PREX1: variants seen among roughly 807,000 people sequenced by gnomAD.
PREX1 encodes phosphatidylinositol 3,4,5-trisphosphate-dependent Rac exchanger 1 protein.
A neutral mutation model predicts 198.3 loss-of-function variants in PREX1; 41 were observed. That is an observed-to-expected ratio of 0.21 (90% CI 0.16 to 0.27). The LOEUF is 0.27. PREX1 is among the 10% of genes least tolerant of loss of function. PREX1 has a pLI of 1.00. For synonymous variants in PREX1, 843 were observed against 887.2 expected (o/e 0.95, Z 0.89); for missense variants, 1,620 against 2,200.7 (o/e 0.74, Z 5.28).
the PREX1 span, among the ~76,000 whole-genome samples, chr20:48,846,620 G>A: frequency 6.6e-6 from 1 of 152,150 alleles, no homozygotes; most frequent in Non-Finnish European, 1.5e-5. Flanking sequence ...GGTCAAAGGA[G>A]AGCACTTTGT....
At chr20:48,655,912 C>T (rs369165457) in intron 18 of PREX1, among the ~76,000 whole-genome samples, 11 of 152,206 alleles carry the variant, frequency 7.2e-5, no homozygotes, top group African/African-American at 2.2e-4. Context: ...ACCCTGCCCA[C>T]ATCCCCGTCT....
Position 48,630,746 on chromosome 20 carries a change from C to T in PREX1, c.4575G>A (p.Thr1525=), listed in dbSNP as rs996634717. ...GACATACCTGGTCTATCTTTACCGCCGTGGTGCTGGCATCCGTGGGCAGGT... is the reference window on the plus strand; with the variant it reads ...GACATACCTGGTCTATCTTTACCGCTGTGGTGCTGGCATCCGTGGGCAGGT... The part of the protein sequence containing the change: ...RSNLPTDAST[T]AVKIDQLIRP... Residue 1525 remains threonine, a synonymous_variant, in exon 36 of 40, where the codon ACG becomes ACA. Transcript: ENST00000371941. The T allele has an allele frequency of 5.0e-6, 8 of 1,599,144 alleles. No homozygotes were observed. Among genetic ancestry groups the T allele is most frequent in the African/African-American group, 2.7e-5 (2 of 74,596 alleles).
rs752933817 is a variant in PREX1 at position 48,679,423 on chromosome 20, G to C, written c.1540-14C>G. On this transcript the variant is annotated splice_polypyrimidine_tract_variant and intron_variant, in intron 12 of 39. Transcript: ENST00000371941. ...AAGCCTCACACCCTGAAAGAAAAAA[G>C]GGGAGGAATTCTGGGATCAGGCCAC... The C allele has an allele frequency of 1.2e-6, 2 of 1,612,144 alleles. No homozygotes were observed. The highest frequency in any genetic ancestry group is 8.5e-7 in the Non-Finnish European group (1 of 1,178,594).
chr20:48,804,242 A>C (rs2090400208), intron 1 of PREX1, among the ~76,000 whole-genome samples: 2 of 152,260 alleles, frequency 1.3e-5, no homozygotes, highest in African/African-American at 4.8e-5. Context: ...CAGGGAATAA[A>C]AGAGACAAAA....
At chr20:48,759,241 T>A (rs2090168100) in intron 1 of PREX1, among the ~76,000 whole-genome samples, 1 of 152,048 alleles carries the variant, frequency 6.6e-6, no homozygotes, top group Non-Finnish European at 1.5e-5. Context: ...TGGGCTATTG[T>A]GAGGCTGATA....
chr20:48,667,896 C>T (rs1568814418), intron 14 of PREX1, among the ~76,000 whole-genome samples: 3 of 152,274 alleles, frequency 2.0e-5, no homozygotes, highest in Middle Eastern at 3.4e-3. Flanking sequence ...GTGGAGGACC[C>T]CAAGGACAAG....
intron 1 of PREX1, among the ~76,000 whole-genome samples, chr20:48,793,180 G>T (rs1315271538): frequency 6.6e-6 from 1 of 152,150 alleles, no homozygotes; most frequent in African/African-American, 2.4e-5. Context: ...CTCCATCCTG[G>T]ATAACAGAGC....
intron 15 of PREX1, among the ~76,000 whole-genome samples, chr20:48,665,327 G>A (rs2089630825): frequency 6.6e-6 from 1 of 151,252 alleles, no homozygotes; most frequent in Admixed American, 6.6e-5. Context: ...GTTCCAGACG[G>A]CCTGAATTCT....
At chr20:48,708,565 A>G (rs761575877) in intron 5 of PREX1, 144 bp from the exon 6 acceptor site, 6 of 868,668 alleles carry the variant, frequency 6.9e-6, no homozygotes, top group Non-Finnish European at 1.1e-5. Context: ...GAGCCAAAGC[A>G]AAGAAAACTC....
chr20:48,724,344 C>G (rs2090000550), intron 5 of PREX1, among the ~76,000 whole-genome samples: 1 of 152,202 alleles, frequency 6.6e-6, no homozygotes. Context: ...TCCATGCTTA[C>G]TTGTCATAAC....
At chr20:48,641,617 C>G (rs1049606428) in intron 29 of PREX1, among the ~76,000 whole-genome samples, 1 of 151,142 alleles carries the variant, frequency 6.6e-6, no homozygotes, top group Non-Finnish European at 1.5e-5. Flanking sequence ...CAAACCATGT[C>G]TCTACCAAAA....
In PREX1 at chr20:48,703,068, C is replaced by A. The variant is rs201739729; in HGVS notation, c.784-2182G>T. Among the ~76,000 whole-genome samples, 19 of 152,354 alleles carry A rather than the reference C, an allele frequency of 1.2e-4. 1 individual carries two copies. The highest frequency in any genetic ancestry group is 6.8e-3 in the Middle Eastern group (2 of 294). On this transcript the variant is annotated intron_variant, in intron 6 of 39. Transcript: ENST00000371941. ...CAGAACCAACATGGAGCTCCTACCC[C>A]ACTGGGACCTGCTGACTGAATTCTT...
intron 1 of PREX1, among the ~76,000 whole-genome samples, chr20:48,808,926 T>C (rs2090423311): frequency 6.6e-6 from 1 of 152,154 alleles, no homozygotes; most frequent in African/African-American, 2.4e-5. Context: ...AGAGCCTGGA[T>C]TCAGGGAAGA....
chr20:48,632,339 A>G lies in PREX1; in HGVS notation c.4464T>C (p.Asp1488=). The change falls in exon 35 of 40, where the codon GAT becomes GAC. Residue 1488 remains aspartate (D), a synonymous_variant. Transcript: ENST00000371941. ...ACTGCGCGTTGATGTCCTGCTGCAA[A>G]TCCTCCGCGGCCTGGCTGCCTGGAG... ...LPSPGSQAAE[D]LQQDINAQSL... is the part of the protein sequence containing the mutation. 6.2e-7 allele frequency: 1 copy of G among 1,614,008 alleles called. No individual in the cohort carries two copies. Among genetic ancestry groups the G allele is most frequent in the Non-Finnish European group, 8.5e-7 (1 of 1,179,994 alleles).
At chr20:48,860,973 A>G in the PREX1 span, among the ~76,000 whole-genome samples, 1 of 152,158 alleles carries the variant, frequency 6.6e-6, no homozygotes, top group Non-Finnish European at 1.5e-5. Flanking sequence ...TCTACAAAAG[A>G]AAATAAAAGA....
At chr20:48,762,589 G>A (rs1468187125) in intron 1 of PREX1, among the ~76,000 whole-genome samples, 1 of 152,012 alleles carries the variant, frequency 6.6e-6, no homozygotes, top group African/African-American at 2.4e-5. Flanking sequence ...TCAAATCCTG[G>A]TTCGGTCATT....
In PREX1 at chr20:48,642,190, G is replaced by A; in HGVS notation, c.3753C>T (p.Phe1251=). 1 of 1,614,200 alleles carries A rather than the reference G, an allele frequency of 6.2e-7. No individual in the cohort carries two copies. The highest frequency in any genetic ancestry group is 8.5e-7 in the Non-Finnish European group (1 of 1,180,012). ...CACCTTGTAAGCTGTGGTTCATAGG[G>A]AAATGCTTGGTCTCTTCGAAAGCCC... ...MSRAFEETKH[F]PMNHSLQEFK... Residue 1251 remains phenylalanine, a synonymous_variant, in exon 29 of 40, where the codon TTC becomes TTT. Transcript: ENST00000371941.
intron 10 of PREX1, among the ~76,000 whole-genome samples, chr20:48,686,336 G>A (rs2089784465): frequency 1.3e-5 from 2 of 152,250 alleles, no homozygotes; most frequent in Admixed American, 6.5e-5. Flanking sequence ...GAGCAAAGCC[G>A]TGCAGGGAGA....
chr20:48,649,439 T>A lies in PREX1; in HGVS notation c.3166A>T (p.Thr1056Ser). 1 of 1,614,076 alleles carries A rather than the reference T, an allele frequency of 6.2e-7. No homozygotes were observed. The highest frequency in any genetic ancestry group is 8.5e-7 in the Non-Finnish European group (1 of 1,180,010). The change falls in exon 25 of 40, where the codon ACC becomes TCC. Residue 1056 changes from threonine (T) to serine (S), a missense_variant. By Grantham distance (58) the Thr-to-Ser change is moderately conservative. Transcript: ENST00000371941. ...AGGCCCCGGTCTTCCTGACCAAGGG[T>A]CCCACTGGCTGGCCCGAAGCTGCCA... ...HDGSFGPASGTLGQEDRGLSF... is the reference protein window; with the variant it reads ...HDGSFGPASGSLGQEDRGLSF...
Sources: allele counts gnomAD v4.1 joint callset (sites outside exome capture counted in the v4.1 genomes callset), GRCh38; gene constraint gnomAD v4.1.1; transcripts MANE v1.5; gene names NCBI Gene and HGNC (gene_info 2026-07-23, HGNC 2026-07-21).